The following FNDC3B variants were observed in gnomAD, a reference collection of about 807,000 sequenced individuals.
The protein encoded by FNDC3B is fibronectin type III domain containing 3B.
FNDC3B carries 12 observed loss-of-function variants against 151.5 expected under a neutral mutation model. The ratio of observed to expected loss-of-function variants is 0.08; its 90% CI spans 0.05 to 0.13. FNDC3B has a LOEUF of 0.13. Ranked by LOEUF, FNDC3B falls within the 10% of genes least tolerant of loss-of-function variation. The pLI is 1.00. For missense variants in FNDC3B, 1,214 were observed against 1,505.3 expected, an observed-to-expected ratio of 0.81 and a Z score of 3.20; for synonymous variants, 528 against 549.0, an observed-to-expected ratio of 0.96 and a Z score of 0.54.
Position 172,362,804 on chromosome 3 carries a change from G to C in FNDC3B, c.2967G>C (p.Glu989Asp), listed in dbSNP as rs61734221. The C allele has an allele frequency of 2.1e-3, 3,390 of 1,613,948 alleles. 68 individuals carry two copies. In the African/African-American group the frequency reaches 0.039, roughly 19 times the overall value. Reference sequence around the variant, plus strand: ...GTAACTCCAAGACACATGCTGCTGAGGACATTGTGTACACACTACAGCTGG... The same window carrying C: ...GTAACTCCAAGACACATGCTGCTGACGACATTGTGTACACACTACAGCTGG... The part of the protein sequence containing the change: ...GDSNSKTHAA[E>D]DIVYTLQLED... The change falls in exon 23 of 26, where the codon GAG becomes GAC. Residue 989 changes from glutamate to aspartate, a missense_variant. Transcript: ENST00000415807.
intron 23 of FNDC3B, among the ~76,000 whole-genome samples, chr3:172,364,127 C>T (rs1734492895): frequency 6.6e-6 from 1 of 152,142 alleles, no homozygotes; most frequent in African/African-American, 2.4e-5. Flanking sequence ...AAATTCATAT[C>T]CACTGATACA....
At chr3:172,114,511 C>G (rs574448231) in intron 2 of FNDC3B, among the ~76,000 whole-genome samples, 1 of 152,282 alleles carries the variant, frequency 6.6e-6, no homozygotes, top group African/African-American at 2.4e-5. Context: ...GCTTGCCCAG[C>G]AGGCTACGTG....
intron 1 of FNDC3B, among the ~76,000 whole-genome samples, chr3:172,107,936 G>C (rs1257716773): frequency 6.6e-6 from 1 of 152,078 alleles, no homozygotes; most frequent in Non-Finnish European, 1.5e-5. Flanking sequence ...TTGGGAGGCC[G>C]AGGCGGGCGG....
chr3:172,361,104 G>T (rs973044726), intron 22 of FNDC3B, among the ~76,000 whole-genome samples: 1 of 152,116 alleles, frequency 6.6e-6, no homozygotes, highest in South Asian at 2.1e-4. Flanking sequence ...GCCTCTGGAG[G>T]AGAGGGTCCA....
In FNDC3B at chr3:172,329,104, T is replaced by C. The variant is rs9850175; in HGVS notation, c.1379+28T>C. 2.4e-3 allele frequency: 3,897 copies of C among 1,591,320 alleles called. 97 individuals carry two copies. In the African/African-American group the frequency reaches 0.045, roughly 19 times the overall value. ...ATGACGTTTCCTTGTCCTCTTGCCCTTCAGCCTTTGGATGGTGATCCTGAG... is the reference window on the plus strand; with the variant it reads ...ATGACGTTTCCTTGTCCTCTTGCCCCTCAGCCTTTGGATGGTGATCCTGAG... On this transcript the variant is annotated intron_variant, in intron 12 of 25. Transcript: ENST00000415807.
chr3:172,094,659 C>T (rs1719012587), intron 1 of FNDC3B, among the ~76,000 whole-genome samples: 2 of 152,014 alleles, frequency 1.3e-5, no homozygotes, highest in Non-Finnish European at 2.9e-5. Context: ...ACAAGCACCC[C>T]GCTTAATTCT....
chr3:172,116,776 G>A (rs1720277416), intron 2 of FNDC3B, among the ~76,000 whole-genome samples: 4 of 152,176 alleles, frequency 2.6e-5, no homozygotes, highest in Non-Finnish European at 5.9e-5. Flanking sequence ...ATGTTGGCCA[G>A]GATGGTCTTG....
chr3:172,343,466 T>G (rs1328494199), intron 18 of FNDC3B, among the ~76,000 whole-genome samples: 1 of 152,194 alleles, frequency 6.6e-6, no homozygotes, highest in Non-Finnish European at 1.5e-5. Context: ...TGTGCTCCAT[T>G]TAGAATTTAA....
intron 1 of FNDC3B, among the ~76,000 whole-genome samples, chr3:172,102,194 GGAAA>G (rs1407310664): frequency 4.6e-5 from 7 of 152,034 alleles, no homozygotes; most frequent in Non-Finnish European, 1.0e-4. Flanking sequence ...AGTCTCTTTG[GGAAA>G]ATTATTTCTT....
intron 17 of FNDC3B, 62 bp downstream of exon 17, chr3:172,341,293 A>G (rs1733308270): frequency 1.7e-6 from 2 of 1,157,594 alleles, no homozygotes; most frequent in Non-Finnish European, 2.6e-6. Context: ...ACTGTCTATA[A>G]CATCAGAAGC....
At chr3:172,199,790 A>C (rs1224142069) in intron 3 of FNDC3B, among the ~76,000 whole-genome samples, 1 of 152,218 alleles carries the variant, frequency 6.6e-6, no homozygotes, top group Non-Finnish European at 1.5e-5. Context: ...GAAGACAATT[A>C]TTTACCCAGT....
chr3:172,283,252 C>T, intron 6 of FNDC3B, among the ~76,000 whole-genome samples: 1 of 152,004 alleles, frequency 6.6e-6, no homozygotes, highest in Non-Finnish European at 1.5e-5. Context: ...TATTATTATT[C>T]CTTTTAATCT....
At chr3:172,129,643 A>G (rs1011369906) in intron 2 of FNDC3B, among the ~76,000 whole-genome samples, 1 of 152,120 alleles carries the variant, frequency 6.6e-6, no homozygotes, top group Non-Finnish European at 1.5e-5. Flanking sequence ...TTAAACTTTG[A>G]TAAACTGCCT....
At chr3:172,309,234 G>A (rs970656037) in intron 10 of FNDC3B, among the ~76,000 whole-genome samples, 3 of 152,186 alleles carry the variant, frequency 2.0e-5, no homozygotes, top group African/African-American at 4.8e-5. Flanking sequence ...CAAGGACAGG[G>A]GAACATTCTC....
At chr3:172,054,147 CCTAATA>C (rs918758353) in intron 1 of FNDC3B, among the ~76,000 whole-genome samples, 5 of 152,182 alleles carry the variant, frequency 3.3e-5, no homozygotes, top group African/African-American at 9.7e-5. Context: ...TCCTCCTATT[CCTAATA>C]CTAACTGTTT....
intron 23 of FNDC3B, among the ~76,000 whole-genome samples, chr3:172,372,327 C>G (rs1157519167): frequency 6.6e-6 from 1 of 152,118 alleles, no homozygotes. Flanking sequence ...TAGAAGACCC[C>G]TCAGAGATAT....
At chr3:172,275,005 T>G (rs1479925757) in intron 6 of FNDC3B, among the ~76,000 whole-genome samples, 5 of 152,198 alleles carry the variant, frequency 3.3e-5, no homozygotes, top group African/African-American at 9.6e-5. Flanking sequence ...TTCTGTTGTC[T>G]TATCTATTAT....
chr3:172,292,423 G>C (rs1264491029), intron 7 of FNDC3B, among the ~76,000 whole-genome samples: 1 of 152,184 alleles, frequency 6.6e-6, no homozygotes, highest in Non-Finnish European at 1.5e-5. Context: ...TATTTTAGTT[G>C]ATGCTTCAAG....
chr3:172,332,402 C>G (rs1197841488), intron 13 of FNDC3B, among the ~76,000 whole-genome samples: 2 of 152,238 alleles, frequency 1.3e-5, no homozygotes, highest in Non-Finnish European at 2.9e-5. Flanking sequence ...TAGTTTTTGT[C>G]ATAGCACTTA....
Sources: allele counts gnomAD v4.1 joint callset (sites outside exome capture counted in the v4.1 genomes callset), GRCh38; gene constraint gnomAD v4.1.1; transcripts MANE v1.5; gene names NCBI Gene and HGNC (gene_info 2026-07-23, HGNC 2026-07-21).